Variants in NCOA2 observed in about 807,000 individuals in gnomAD.
NCOA2 encodes class E basic helix-loop-helix protein 75.
In NCOA2, 21 loss-of-function variants were observed where a neutral mutation model predicts 145.1. That is an observed-to-expected ratio of 0.14 (90% CI 0.10 to 0.21). The LOEUF is 0.21. NCOA2 is among the 10% of genes least tolerant of loss of function. NCOA2 has a pLI of 1.00. For missense variants in NCOA2, 1,472 were observed against 1,837.6 expected (o/e 0.80, Z 3.64); for synonymous variants, 619 against 637.5 (o/e 0.97, Z 0.44).
chr8:70,379,393 C>A (rs1811976614), intron 1 of NCOA2, among the ~76,000 whole-genome samples: 1 of 152,132 alleles, frequency 6.6e-6, no homozygotes, highest in Admixed American at 6.6e-5. Context: ...CTTTCAAGAT[C>A]CCTAATAAAG....
chr8:70,339,908 C>T lies in NCOA2; in HGVS notation c.-76-43108G>A, dbSNP rs187653885. On this transcript the variant is annotated intron_variant, in intron 1 of 22. Coordinates refer to ENST00000452400, the MANE Select transcript of NCOA2 (RefSeq NM_006540.4). Reference sequence around the variant, plus strand: ...CCATATGCAAAAAACTGAAAGTGGACCCCTTCCTTACACCTTATACAAAAA... The same window carrying T: ...CCATATGCAAAAAACTGAAAGTGGATCCCTTCCTTACACCTTATACAAAAA... 3.8e-3 allele frequency among the ~76,000 whole-genome samples: 575 copies of T among 152,236 alleles called. 1 individual carries two copies. Among genetic ancestry groups the T allele is most frequent in the Middle Eastern group, 0.014 (4 of 294 alleles).
chr8:70,258,370 C>T (rs980378815), intron 2 of NCOA2, among the ~76,000 whole-genome samples: 4 of 152,190 alleles, frequency 2.6e-5, no homozygotes, highest in East Asian at 1.9e-4. Context: ...TAGCTACTAC[C>T]GTGCCCAACT....
chr8:70,388,771 A>G (rs1292409868), intron 1 of NCOA2, among the ~76,000 whole-genome samples: 6 of 151,908 alleles, frequency 3.9e-5, no homozygotes, highest in African/African-American at 1.2e-4. Flanking sequence ...GCACACACGC[A>G]CACACACACA....
the NCOA2 span, among the ~76,000 whole-genome samples, chr8:70,443,563 T>C: frequency 6.6e-6 from 1 of 152,158 alleles, no homozygotes; most frequent in Non-Finnish European, 1.5e-5. Flanking sequence ...TCTATCTGTC[T>C]GTAAAATTTT....
chr8:70,177,629 A>G (rs1020347498), intron 4 of NCOA2, among the ~76,000 whole-genome samples: 1 of 152,224 alleles, frequency 6.6e-6, no homozygotes, highest in Non-Finnish European at 1.5e-5. Flanking sequence ...GGTCTTAAAT[A>G]ACAATCTTAT....
the NCOA2 span, among the ~76,000 whole-genome samples, chr8:70,441,416 A>C: frequency 6.6e-6 from 1 of 150,758 alleles, no homozygotes; most frequent in Non-Finnish European, 1.5e-5. Flanking sequence ...GAGAGAAAGA[A>C]AACAAAGAGG....
intron 1 of NCOA2, among the ~76,000 whole-genome samples, chr8:70,374,473 A>G (rs1811491668): frequency 6.8e-6 from 1 of 146,790 alleles, no homozygotes; most frequent in Non-Finnish European, 1.5e-5. Context: ...CTCTGTCTCA[A>G]AAAAAAAAAA....
chr8:70,325,458 C>T (rs1261054160), intron 1 of NCOA2, among the ~76,000 whole-genome samples: 1 of 151,102 alleles, frequency 6.6e-6, no homozygotes, highest in African/African-American at 2.4e-5. Context: ...TTTAAACACT[C>T]TGTCGCCCAG....
chr8:70,321,101 T>C (rs1039932121), intron 1 of NCOA2, among the ~76,000 whole-genome samples: 1 of 152,164 alleles, frequency 6.6e-6, no homozygotes, highest in African/African-American at 2.4e-5. Flanking sequence ...CAAATTAACT[T>C]TGGGATTTTC....
chr8:70,257,377 C>A (rs1823717962), intron 2 of NCOA2, among the ~76,000 whole-genome samples: 2 of 152,158 alleles, frequency 1.3e-5, no homozygotes, highest in African/African-American at 4.8e-5. Flanking sequence ...AAATGTAGGG[C>A]ACTGTTCTAG....
intron 1 of NCOA2, among the ~76,000 whole-genome samples, chr8:70,376,913 C>T (rs981065157): frequency 2.6e-5 from 4 of 152,188 alleles, no homozygotes; most frequent in African/African-American, 7.2e-5. Context: ...GCCAGAGCTC[C>T]GCTGGCCTGT....
chr8:70,264,362 G>A (rs540448557), intron 2 of NCOA2, among the ~76,000 whole-genome samples: 1 of 152,132 alleles, frequency 6.6e-6, no homozygotes, highest in Non-Finnish European at 1.5e-5. Context: ...GAACATGGTA[G>A]TACACACCTG....
At chr8:70,303,574 C>T (rs530371337) in intron 1 of NCOA2, among the ~76,000 whole-genome samples, 7 of 152,206 alleles carry the variant, frequency 4.6e-5, no homozygotes, top group East Asian at 3.9e-4. Flanking sequence ...AATTTGGATA[C>T]GGCATGTACA....
intron 4 of NCOA2, among the ~76,000 whole-genome samples, chr8:70,176,842 G>A (rs1446434891): frequency 2.0e-5 from 3 of 152,172 alleles, no homozygotes; most frequent in Non-Finnish European, 4.4e-5. Flanking sequence ...ACTCTGTGGG[G>A]TCTTCTTGGA....
At chr8:70,159,179 TAC>T (rs1330327549) in intron 10 of NCOA2, among the ~76,000 whole-genome samples, 1 of 138,200 alleles carries the variant, frequency 7.2e-6, no homozygotes, top group African/African-American at 2.6e-5. Flanking sequence ...TTATACCTGA[TAC>T]AGTGTAAATA....
At chr8:70,432,956 C>T in the NCOA2 span, among the ~76,000 whole-genome samples, 3 of 152,082 alleles carry the variant, frequency 2.0e-5, no homozygotes, top group Admixed American at 1.3e-4. Flanking sequence ...ATATTGATTA[C>T]AGGCTATAAT....
At chr8:70,158,447 C>A (rs574653640) in intron 10 of NCOA2, among the ~76,000 whole-genome samples, 25 of 151,970 alleles carry the variant, frequency 1.6e-4, no homozygotes, top group South Asian at 1.0e-3. Flanking sequence ...TGTTTATTAC[C>A]CTTCAATTTA....
the NCOA2 span, among the ~76,000 whole-genome samples, chr8:70,417,537 G>A: frequency 6.6e-6 from 1 of 151,446 alleles, no homozygotes; most frequent in Non-Finnish European, 1.5e-5. Flanking sequence ...CAACAAGAGT[G>A]AGACTCTGTC....
chr8:70,113,775 G>A, intron 22 of NCOA2, 132 bp from the exon 23 acceptor site: 1 of 837,454 alleles, frequency 1.2e-6, no homozygotes, highest in Non-Finnish European at 2.0e-6. Context: ...GCATCTGGAT[G>A]AGTACATTCG....
Sources: gnomAD v4.1 joint callset for allele counts (sites outside exome capture counted in the v4.1 genomes callset) on GRCh38, gnomAD v4.1.1 for gene constraint, MANE v1.5 for transcripts, NCBI Gene and HGNC (gene_info 2026-07-23, HGNC 2026-07-21) for gene names.